The following VAMP7 variants were observed in gnomAD, a reference collection of about 807,000 sequenced individuals.
The protein encoded by VAMP7 is vesicle-associated membrane protein 7.
A neutral mutation model predicts 29.6 loss-of-function variants in VAMP7; 14 were observed. The observed-to-expected ratio is 0.47, with a 90% CI of 0.31 to 0.74. The LOEUF is 0.74. VAMP7 is among the 30% of genes least tolerant of loss of function. VAMP7 has a pLI of 0.05. For missense variants in VAMP7, 223 were observed against 262.4 expected, an observed-to-expected ratio of 0.85 and a Z score of 1.04; for synonymous variants, 95 against 88.1, an observed-to-expected ratio of 1.08 and a Z score of -0.44.
chrX:155,900,654 A>G, intron 5 of VAMP7, 67 bp downstream of exon 5: 2 of 1,406,836 alleles, frequency 1.4e-6, no homozygotes, highest in African/African-American at 1.4e-5. Flanking sequence ...CTGGGGTCAA[A>G]TTATTCTAGA....
intron 5 of VAMP7, among the ~76,000 whole-genome samples, chrX:155,914,410 T>C (rs1364541341): frequency 6.6e-6 from 1 of 151,966 alleles, no homozygotes; most frequent in Non-Finnish European, 1.5e-5. Flanking sequence ...TGAATAGGAG[T>C]GGTGAGGGAG....
chrX:155,934,270 T>C (rs2066611754), intron 6 of VAMP7, among the ~76,000 whole-genome samples: 1 of 152,196 alleles, frequency 6.6e-6, no homozygotes, highest in Non-Finnish European at 1.5e-5. Flanking sequence ...ACTTTCTGTC[T>C]CATTGATCTG....
At chrX:155,907,981 C>T (rs1038557668) in intron 5 of VAMP7, among the ~76,000 whole-genome samples, 46 of 152,070 alleles carry the variant, frequency 3.0e-4, no homozygotes, top group Non-Finnish European at 5.9e-4. Context: ...CAGAGACGCT[C>T]CTCACTTCCT....
chrX:155,910,308 A>G (rs976505353), intron 5 of VAMP7, among the ~76,000 whole-genome samples: 2 of 152,206 alleles, frequency 1.3e-5, no homozygotes, highest in East Asian at 1.9e-4. Flanking sequence ...ATGGTCAAAT[A>G]GTATTCCATT....
intron 5 of VAMP7, among the ~76,000 whole-genome samples, chrX:155,915,056 T>A (rs1417957073): frequency 6.6e-6 from 1 of 152,188 alleles, no homozygotes; most frequent in African/African-American, 2.4e-5. Flanking sequence ...TATTGTTGTA[T>A]TCAGGGATTT....
chrX:155,907,074 T>G (rs1205130553), intron 5 of VAMP7, among the ~76,000 whole-genome samples: 2 of 152,068 alleles, frequency 1.3e-5, no homozygotes, highest in African/African-American at 4.8e-5. Flanking sequence ...TTTTTGTTCT[T>G]TATTAATATG....
chrX:155,918,579 G>T (rs770226501), intron 5 of VAMP7, among the ~76,000 whole-genome samples: 28 of 152,256 alleles, frequency 1.8e-4, no homozygotes, highest in Admixed American at 1.0e-3. Flanking sequence ...CCGACCCCTT[G>T]TGCTTCCTGG....
At chrX:155,941,285 A>G (rs1284922533) in intron 7 of VAMP7, among the ~76,000 whole-genome samples, 2 of 152,190 alleles carry the variant, frequency 1.3e-5, no homozygotes, top group Non-Finnish European at 2.9e-5. Context: ...ATCTAGAATT[A>G]AAAAGCAAAC....
chrX:155,919,030 C>T (rs1250253138), intron 5 of VAMP7, among the ~76,000 whole-genome samples: 1 of 151,972 alleles, frequency 6.6e-6, no homozygotes, highest in African/African-American at 2.4e-5. Flanking sequence ...GGGTTGTTGG[C>T]CTGCAGTTTT....
intron 4 of VAMP7, among the ~76,000 whole-genome samples, 195 bp downstream of exon 4, chrX:155,898,444 T>C (rs1293831215): frequency 1.3e-5 from 2 of 152,008 alleles, no homozygotes; most frequent in Non-Finnish European, 2.9e-5. Flanking sequence ...ATAGTCTTTA[T>C]TATCTCTATT....
intron 6 of VAMP7, among the ~76,000 whole-genome samples, chrX:155,932,644 A>G (rs1333278775): frequency 1.3e-5 from 2 of 152,176 alleles, no homozygotes; most frequent in Admixed American, 6.5e-5. Context: ...CAATCATGTC[A>G]TCTGCAAACA....
chrX:155,937,458 T>G (rs778165257), intron 6 of VAMP7, among the ~76,000 whole-genome samples: 151 of 152,314 alleles, frequency 9.9e-4, no homozygotes, highest in Non-Finnish European at 1.7e-3. Context: ...GTGATGGATA[T>G]TTTACTTAGC....
chrX:155,936,984 A>C (rs1205703913), intron 6 of VAMP7, among the ~76,000 whole-genome samples: 1 of 152,206 alleles, frequency 6.6e-6, no homozygotes, highest in South Asian at 2.1e-4. Flanking sequence ...CAATGGAAAG[A>C]TACCTTATGT....
At chrX:155,935,451 G>A (rs2066635973) in intron 6 of VAMP7, among the ~76,000 whole-genome samples, 1 of 151,716 alleles carries the variant, frequency 6.6e-6, no homozygotes. Context: ...TCATTCATTT[G>A]GTCTTCAATC....
chrX:155,936,682 G>A (rs750101792), intron 6 of VAMP7, among the ~76,000 whole-genome samples: 101 of 152,286 alleles, frequency 6.6e-4, no homozygotes, highest in African/African-American at 2.3e-3. Context: ...TTCGGCTCAC[G>A]CTCGGTGGGC....
Position 155,929,696 on chromosome X carries a change from G to A in VAMP7, c.501+9816G>A, listed in dbSNP as rs764841517. Reference sequence around the variant, plus strand: ...CTTGTCCCGTGTTGGATGGAAAGACGTAAAAAAGGTACCATGGCTTAAAGA... The same window carrying A: ...CTTGTCCCGTGTTGGATGGAAAGACATAAAAAAGGTACCATGGCTTAAAGA... On this transcript the variant is annotated intron_variant, in intron 6 of 7. Transcript: ENST00000286448. Among the ~76,000 whole-genome samples, 19 of 152,248 alleles carry A rather than the reference G, an allele frequency of 1.2e-4. No individual in the cohort carries two copies. The East Asian group carries it at 1.9e-3, about 15-fold the overall frequency.
rs1478067914 is a variant in VAMP7 at position 155,935,696 on chromosome X, CA to C, written c.502-4003del. Among the ~76,000 whole-genome samples the C allele has an allele frequency of 2.6e-5, 4 of 152,290 alleles. No homozygotes were observed. The East Asian group carries it at 5.8e-4, about 22-fold the overall frequency. ...TTGATCATCTGAAGCCTTCTTTTCT[CA>C]ACTCGTCAAAGTCATTCTCTGTCTA... On this transcript the variant is annotated intron_variant, in intron 6 of 7. Coordinates refer to ENST00000286448, the MANE Select transcript of VAMP7 (RefSeq NM_005638.6).
intron 1 of VAMP7, among the ~76,000 whole-genome samples, chrX:155,883,033 C>T (rs2065822850): frequency 6.6e-6 from 1 of 152,166 alleles, no homozygotes; most frequent in Non-Finnish European, 1.5e-5. Flanking sequence ...ACTTATTATA[C>T]TTTATTGCAT....
intron 6 of VAMP7, among the ~76,000 whole-genome samples, chrX:155,927,225 T>C (rs1489704273): frequency 6.7e-6 from 1 of 148,232 alleles, no homozygotes; most frequent in African/African-American, 2.5e-5. Context: ...TGTCGGGGAG[T>C]GGGGGCTAGG....
Sources: gnomAD v4.1 joint callset for allele counts (sites outside exome capture counted in the v4.1 genomes callset) on GRCh38, gnomAD v4.1.1 for gene constraint, MANE v1.5 for transcripts, NCBI Gene and HGNC (gene_info 2026-07-23, HGNC 2026-07-21) for gene names.